PIEZO1: variants seen among roughly 807,000 people sequenced by gnomAD.
The protein encoded by PIEZO1 is piezo type mechanosensitive ion channel component 1 (Er blood group).
A neutral mutation model predicts 297.2 loss-of-function variants in PIEZO1; 296 were observed. The observed-to-expected ratio is 1.00, with a 90% CI of 0.91 to 1.10. The LOEUF is 1.10. PIEZO1 is among the 50% of genes least tolerant of loss of function. The pLI is 0.00. For missense variants in PIEZO1, 5,018 were observed against 3,455.5 expected (o/e 1.45, Z -11.34); for synonymous variants, 2,427 against 1,507.5 (o/e 1.61, Z -14.13).
chr16:88,774,198 C>G (rs543140568), intron 1 of PIEZO1, among the ~76,000 whole-genome samples: 1 of 152,168 alleles, frequency 6.6e-6, no homozygotes, highest in Admixed American at 6.5e-5. Context: ...CACAGGATGG[C>G]GACGCCCAGT....
rs1411979504 is a variant in PIEZO1, at chr16:88,722,305, T to G, written c.4868A>C (p.Glu1623Ala). Reference sequence around the variant, plus strand: ...ACGCTCCCCGGGGTCGGTGACTGCCTCCTCACTGCCACTGCGCGTGTGGTA... The same window carrying G: ...ACGCTCCCCGGGGTCGGTGACTGCCGCCTCACTGCCACTGCGCGTGTGGTA... Reference protein sequence around the residue: ...TGYHTRSGSEEAVTDPGEREA... With the variant: ...TGYHTRSGSEAAVTDPGEREA... The change falls in exon 36 of 51, where the codon GAG becomes GCG. Residue 1623 changes from glutamate (E) to alanine (A), a missense_variant. By Grantham distance (107) the Glu-to-Ala change is moderately radical (BLOSUM62 -1). Transcript: ENST00000301015. 7.8e-6 allele frequency: 12 copies of G among 1,547,936 alleles called. No homozygotes were observed. The highest frequency in any genetic ancestry group is 9.6e-6 in the Non-Finnish European group (11 of 1,146,472).
At position 88,732,509 on chromosome 16, in the gene PIEZO1, C is replaced by T. The variant is rs1280467440; in HGVS notation, c.2817G>A (p.Leu939=). ...IQNHLQVLLL[L]VFEAIVYRRQ... Reference sequence around the variant, plus strand: ...GCCGGTACACGATGGCCTCGAATACCAGCAGCAGCAGCACTTGCAGGTGGT... The same window carrying T: ...GCCGGTACACGATGGCCTCGAATACTAGCAGCAGCAGCACTTGCAGGTGGT... Residue 939 remains leucine (L), a synonymous_variant, in exon 21 of 51, where the codon CTG becomes CTA. Coordinates refer to ENST00000301015, the MANE Select transcript of PIEZO1 (RefSeq NM_001142864.4). 5.8e-6 allele frequency: 9 copies of T among 1,545,612 alleles called. No individual in the cohort carries two copies. The Admixed American group carries it at 9.8e-5, about 17-fold the overall frequency.
intron 44 of PIEZO1, chr16:88,718,572 A>G (rs554964852): frequency 4.6e-5 from 7 of 152,412 alleles, no homozygotes; most frequent in Admixed American, 3.3e-4. Context: ...AGCTGATTAC[A>G]AAAGGACAAA....
At chr16:88,770,651 C>T (rs1907383160) in intron 1 of PIEZO1, among the ~76,000 whole-genome samples, 2 of 152,214 alleles carry the variant, frequency 1.3e-5, no homozygotes, top group Non-Finnish European at 2.9e-5. Flanking sequence ...CGCCAGCTGC[C>T]GAGCACGTCC....
intron 1 of PIEZO1, among the ~76,000 whole-genome samples, chr16:88,760,529 G>A (rs58729161): frequency 0.079 from 12,002 of 152,320 alleles, 1,598 homozygotes; most frequent in African/African-American, 0.27. Flanking sequence ...TGGCCACAGG[G>A]CAGGCAGCAC....
At chr16:88,720,007 C>A in intron 42 of PIEZO1, 47 bp from the exon 43 acceptor site, 3 of 1,549,272 alleles carry the variant, frequency 1.9e-6, no homozygotes, top group Non-Finnish European at 1.7e-6. Flanking sequence ...AACAGCCCCG[C>A]AGGGCCCCCA....
rs144029652 is a variant in PIEZO1 at position 88,782,170 on chromosome 16, T to A, written c.64+2731A>T. On this transcript the variant is annotated intron_variant, in intron 1 of 50. Coordinates refer to ENST00000301015, the MANE Select transcript of PIEZO1 (RefSeq NM_001142864.4). ...TGTCACCCAGGCTGGAGTGCAGTCA[T>A]ACAATCATGGCTCACTGTAGCCTCC... is the stretch of plus-strand genomic sequence containing the variant. Among the ~76,000 whole-genome samples the A allele has an allele frequency of 1.7e-3, 263 of 152,328 alleles. 2 individuals are homozygous for A. The highest frequency in any genetic ancestry group is 6.0e-3 in the African/African-American group (251 of 41,568).
intron 19 of PIEZO1, 114 bp downstream of exon 19, chr16:88,733,164 C>T (rs908210534): frequency 3.3e-5 from 33 of 999,736 alleles, no homozygotes; most frequent in Non-Finnish European, 4.5e-5. Flanking sequence ...AGGGGAGAGT[C>T]CTCCATCTCC....
intron 1 of PIEZO1, among the ~76,000 whole-genome samples, chr16:88,756,312 C>G (rs1314750719): frequency 6.6e-6 from 1 of 152,212 alleles, no homozygotes; most frequent in Non-Finnish European, 1.5e-5. Context: ...AGAGGCCCCT[C>G]CACAACCTGG....
At chr16:88,737,440 G>A (rs1290544420) in intron 10 of PIEZO1, 119 bp downstream of exon 10, 5 of 670,054 alleles carry the variant, frequency 7.5e-6, no homozygotes, top group South Asian at 1.9e-5. Flanking sequence ...GCCCCCGAGG[G>A]GGCGGCAGGC....
At position 88,717,162 on chromosome 16, in the gene PIEZO1, C is replaced by T; in HGVS notation, c.6521G>A (p.Gly2174Asp). The T allele has an allele frequency of 1.3e-6, 2 of 1,550,952 alleles. No homozygotes were observed. The highest frequency in any genetic ancestry group is 1.7e-6 in the Non-Finnish European group (2 of 1,147,134). The change falls in exon 45 of 51, where the codon GGC becomes GAC. Residue 2174 changes from glycine (G) to aspartate (D), a missense_variant. Gly to Asp is a moderately conservative substitution (Grantham distance 94). Coordinates refer to ENST00000301015, the MANE Select transcript of PIEZO1 (RefSeq NM_001142864.4). ...GAAGAGGATGATGAGGCCACCCATG[C>T]CGTACTTGACGATCTTCTTCTTCTT... ...GQKKKKIVKY[G>D]MGGLIILFLI...
chr16:88,737,667 G>A, intron 9 of PIEZO1, 21 bp from the exon 10 acceptor site: 2 of 1,533,520 alleles, frequency 1.3e-6, no homozygotes, highest in Non-Finnish European at 1.7e-6. Context: ...GCAGCGCTGA[G>A]CCATGCACGG....
chr16:88,755,749 G>A (rs963151562), intron 1 of PIEZO1, among the ~76,000 whole-genome samples: 18 of 152,244 alleles, frequency 1.2e-4, no homozygotes, highest in Non-Finnish European at 2.4e-4. Flanking sequence ...AAGGCACCAT[G>A]AGAGGCCGGG....
chr16:88,734,857 T>C lies in PIEZO1; in HGVS notation c.1848+18A>G. 1 of 1,536,098 alleles carries C rather than the reference T, an allele frequency of 6.5e-7. No homozygotes were observed. Among genetic ancestry groups the C allele is most frequent in the Non-Finnish European group, 8.8e-7 (1 of 1,135,428 alleles). On this transcript the variant is annotated intron_variant, in intron 14 of 50. Coordinates refer to ENST00000301015, the MANE Select transcript of PIEZO1 (RefSeq NM_001142864.4). ...GGGAGGGTCCGTGCCCCAGCCCCCA[T>C]CCCGGCCCCCCAGCCACCTGGAAGA...
chr16:88,737,034 C>G (rs1330617259), intron 10 of PIEZO1: 1 of 327,868 alleles, frequency 3.1e-6, no homozygotes, highest in African/African-American at 2.2e-5. Context: ...GACCCCCACC[C>G]CAGGGCCGTG....
At chr16:88,779,990 T>C (rs1597491839) in intron 1 of PIEZO1, among the ~76,000 whole-genome samples, 1 of 152,158 alleles carries the variant, frequency 6.6e-6, no homozygotes, top group Non-Finnish European at 1.5e-5. Flanking sequence ...GAAGCGGCTG[T>C]GAAGCTTTTA....
At chr16:88,758,412 C>G (rs952755229) in intron 1 of PIEZO1, among the ~76,000 whole-genome samples, 3 of 152,228 alleles carry the variant, frequency 2.0e-5, no homozygotes, top group Non-Finnish European at 4.4e-5. Context: ...GCTCTGTCCC[C>G]ACCCATCGTC....
At chr16:88,764,926 C>A (rs1907103500) in intron 1 of PIEZO1, among the ~76,000 whole-genome samples, 1 of 152,294 alleles carries the variant, frequency 6.6e-6, no homozygotes, top group South Asian at 2.1e-4. Context: ...GCAACAAGGG[C>A]TTCCTAAGAA....
In PIEZO1 at chr16:88,736,705, A is replaced by C; in HGVS notation, c.1230T>G (p.Ser410=). The change falls in exon 11 of 51, where the codon TCT becomes TCG. Residue 410 remains serine, a synonymous_variant. Coordinates refer to ENST00000301015, the MANE Select transcript of PIEZO1 (RefSeq NM_001142864.4). ...RPKRAEPREA[S]PLHSLGHLIM... is the part of the protein sequence containing the mutation. ...TGAGGTGGCCCAGGCTGTGGAGCGGAGACGCCTCCCTGGGCTCAGCCCGCT... is the reference window on the plus strand; with the variant it reads ...TGAGGTGGCCCAGGCTGTGGAGCGGCGACGCCTCCCTGGGCTCAGCCCGCT... The C allele has an allele frequency of 6.5e-7, 1 of 1,532,758 alleles. No individual in the cohort carries two copies. The highest frequency in any genetic ancestry group is 8.7e-7 in the Non-Finnish European group (1 of 1,145,486). 94.9% of individuals were successfully genotyped at this position (1,532,758 alleles called of 1,614,324 possible). A position where few individuals can be genotyped will look rare whatever the true frequency, so the allele number is the denominator to read the frequency against.
Sources: allele counts gnomAD v4.1 joint callset (sites outside exome capture counted in the v4.1 genomes callset), GRCh38; gene constraint gnomAD v4.1.1; transcripts MANE v1.5; gene names NCBI Gene and HGNC (gene_info 2026-07-23, HGNC 2026-07-21).